SKAP1: variants seen among roughly 807,000 people sequenced by gnomAD.
SKAP1 encodes src kinase associated phosphoprotein 1, also known as src kinase-associated phosphoprotein 1.
SKAP1 carries 44 observed loss-of-function variants against 58.5 expected under a neutral mutation model. That is an observed-to-expected ratio of 0.75 (90% CI 0.59 to 0.97). The LOEUF is 0.97. Ranked by LOEUF, SKAP1 falls within the 50% of genes least tolerant of loss-of-function variation. The pLI is 0.00. For missense variants in SKAP1, 390 were observed against 435.2 expected (o/e 0.90, Z 0.92); for synonymous variants, 127 against 149.7 (o/e 0.85, Z 1.11).
At chr17:48,405,697 C>T (rs1477766621) in intron 1 of SKAP1, among the ~76,000 whole-genome samples, 1 of 151,228 alleles carries the variant, frequency 6.6e-6, no homozygotes, top group African/African-American at 2.4e-5. Context: ...GATGGGGTTT[C>T]ACCATGTTGA....
chr17:48,279,964 T>C (rs2065746969), intron 4 of SKAP1, among the ~76,000 whole-genome samples: 1 of 152,142 alleles, frequency 6.6e-6, no homozygotes, highest in African/African-American at 2.4e-5. Context: ...CCTGTTGTCA[T>C]ACAGTTTTAT....
chr17:48,180,318 GAGA>G lies in SKAP1; in HGVS notation c.632-73_632-71del, dbSNP rs2084714803. On this transcript the variant is annotated intron_variant, in intron 8 of 12. Coordinates refer to ENST00000336915, the MANE Select transcript of SKAP1 (RefSeq NM_003726.4). ...AAAATAAGACAGGAAAGGAAAGAGG[GAGA>G]AGGAGGAGGAGGGATGAGAGTAAAA... 1.4e-5 allele frequency: 16 copies of G among 1,182,686 alleles called. No homozygotes were observed. The South Asian group carries it at 2.1e-4, about 16-fold the overall frequency. 73.3% of individuals were successfully genotyped at this position (1,182,686 alleles called of 1,614,324 possible).
At chr17:48,160,468 G>GA (rs2064052959) in intron 11 of SKAP1, among the ~76,000 whole-genome samples, 1 of 93,986 alleles carries the variant, frequency 1.1e-5, no homozygotes, top group Non-Finnish European at 2.5e-5. Flanking sequence ...AGAAGGGGAA[G>GA]AGGTTTTTTT....
At chr17:48,171,627 C>T (rs184438752) in intron 9 of SKAP1, among the ~76,000 whole-genome samples, 1 of 152,208 alleles carries the variant, frequency 6.6e-6, no homozygotes, top group Non-Finnish European at 1.5e-5. Context: ...AATCCTAATC[C>T]TTTTCCTCAA....
chr17:48,183,128 A>G (rs1236546119), intron 7 of SKAP1, among the ~76,000 whole-genome samples: 1 of 152,206 alleles, frequency 6.6e-6, no homozygotes, highest in Non-Finnish European at 1.5e-5. Flanking sequence ...AATGCAGGCA[A>G]CAGGAAGCCA....
intron 4 of SKAP1, among the ~76,000 whole-genome samples, chr17:48,309,982 C>A (rs111862639): frequency 6.6e-6 from 1 of 152,154 alleles, no homozygotes; most frequent in African/African-American, 2.4e-5. Context: ...TTGAGGGAAG[C>A]CTGTCTTGGT....
intron 4 of SKAP1, among the ~76,000 whole-genome samples, chr17:48,228,851 T>C (rs983378838): frequency 3.9e-5 from 6 of 152,180 alleles, no homozygotes; most frequent in African/African-American, 1.2e-4. Flanking sequence ...ACCACAGAGC[T>C]GGGCTAAAGG....
At chr17:48,142,061 T>C (rs1476224661) in intron 11 of SKAP1, among the ~76,000 whole-genome samples, 1 of 152,220 alleles carries the variant, frequency 6.6e-6, no homozygotes, top group East Asian at 1.9e-4. Context: ...TGTCTCAGTG[T>C]CAATCACTAG....
the SKAP1 span, among the ~76,000 whole-genome samples, chr17:48,441,422 C>T: frequency 1.3e-5 from 2 of 152,026 alleles, no homozygotes; most frequent in Admixed American, 1.3e-4. Flanking sequence ...TGCTTTTGAA[C>T]CTCAAACTAA....
Position 48,271,354 on chromosome 17 carries a change from CTTTG to C in SKAP1, c.280+74547_280+74550del, listed in dbSNP as rs907032710. ...GACAGTGATATTAATATTCTTGTTT[CTTTG>C]TTTCTTTTTTTTTTTTTTTTTTTTT... is the stretch of plus-strand genomic sequence containing the variant. On this transcript the variant is annotated intron_variant, in intron 4 of 12. Transcript: ENST00000336915. Among the ~76,000 whole-genome samples the C allele has an allele frequency of 1.3e-3, 175 of 130,102 alleles. 2 individuals carry two copies. The South Asian group carries it at 0.042, about 32-fold the overall frequency. The allele number at this position is 130,102 out of a possible 152,430, so 85.4% of individuals were successfully genotyped here.
chr17:48,204,944 C>T (rs1466027221), intron 4 of SKAP1, among the ~76,000 whole-genome samples: 1 of 135,180 alleles, frequency 7.4e-6, no homozygotes, highest in African/African-American at 2.6e-5. Flanking sequence ...TTCCTTCCTC[C>T]CTCCCTCCTT....
the SKAP1 span, among the ~76,000 whole-genome samples, chr17:48,435,391 G>A: frequency 1.3e-5 from 2 of 152,144 alleles, no homozygotes; most frequent in East Asian, 1.9e-4. Flanking sequence ...GAGATGGGGG[G>A]ACTCAGAATG....
intron 6 of SKAP1, among the ~76,000 whole-genome samples, chr17:48,185,593 A>G (rs2143493797): frequency 6.6e-6 from 1 of 152,306 alleles, no homozygotes; most frequent in East Asian, 1.9e-4. Flanking sequence ...GGCAGAACAC[A>G]CAGAGAACAG....
intron 4 of SKAP1, among the ~76,000 whole-genome samples, chr17:48,198,666 G>GA (rs959546376): frequency 1.1e-4 from 17 of 149,866 alleles, no homozygotes; most frequent in Middle Eastern, 3.5e-3. Context: ...TTATTTACTT[G>GA]AAAAAAAAAA....
intron 1 of SKAP1, among the ~76,000 whole-genome samples, chr17:48,406,684 G>A (rs1315926649): frequency 6.6e-6 from 1 of 152,094 alleles, no homozygotes; most frequent in Non-Finnish European, 1.5e-5. Flanking sequence ...TCCTGCCTCA[G>A]CCTCCCAAGT....
chr17:48,414,197 A>G (rs1199997723), intron 1 of SKAP1, among the ~76,000 whole-genome samples: 2 of 152,254 alleles, frequency 1.3e-5, no homozygotes, highest in East Asian at 3.8e-4. Flanking sequence ...ATGGGTGTAC[A>G]GGCCCATAGT....
At chr17:48,154,383 T>A (rs2063944230) in intron 11 of SKAP1, among the ~76,000 whole-genome samples, 1 of 152,196 alleles carries the variant, frequency 6.6e-6, no homozygotes, top group Non-Finnish European at 1.5e-5. Flanking sequence ...ATCAATTCCA[T>A]CAGCAAGGAA....
intron 4 of SKAP1, among the ~76,000 whole-genome samples, chr17:48,332,135 A>T (rs2066514815): frequency 6.6e-6 from 1 of 152,102 alleles, no homozygotes; most frequent in Non-Finnish European, 1.5e-5. Flanking sequence ...TTCTTGTTTT[A>T]AAATACATTT....
rs377661071 is a variant in SKAP1, at chr17:48,313,510, C to A, written c.280+32395G>T. 3.3e-4 allele frequency among the ~76,000 whole-genome samples: 50 copies of A among 152,248 alleles called. 1 individual carries two copies. Among genetic ancestry groups the A allele is most frequent in the South Asian group, 2.3e-3 (11 of 4,814 alleles). ...TATTCCTTCAAATTCAACAATGCCC[C>A]CTAGGTTTCAAGCTGCTTGGCAACA... On this transcript the variant is annotated intron_variant, in intron 4 of 12. Transcript: ENST00000336915.
Sources: gnomAD v4.1 joint callset for allele counts (sites outside exome capture counted in the v4.1 genomes callset) on GRCh38, gnomAD v4.1.1 for gene constraint, MANE v1.5 for transcripts, NCBI Gene and HGNC (gene_info 2026-07-23, HGNC 2026-07-21) for gene names.